Variants in ZBTB26 observed in about 807,000 individuals in gnomAD.
The protein encoded by ZBTB26 is zinc finger and BTB domain containing 26.
A neutral mutation model predicts 31.6 loss-of-function variants in ZBTB26; 12 were observed. The ratio of observed to expected loss-of-function variants is 0.38; its 90% CI spans 0.24 to 0.61. The LOEUF (loss-of-function observed/expected upper bound fraction) is 0.61. Ranked by LOEUF, ZBTB26 falls within the 20% of genes least tolerant of loss-of-function variation. The pLI is 0.60. For missense variants in ZBTB26, 311 were observed against 521.9 expected (o/e 0.60, Z 3.94); for synonymous variants, 155 against 182.9 (o/e 0.85, Z 1.23).
Position 122,928,523 on chromosome 9 carries a change from T to C in ZBTB26, c.-11+2914A>G, listed in dbSNP as rs900486269. On this transcript the variant is annotated intron_variant, in intron 1 of 1. Coordinates refer to ENST00000373656, the MANE Select transcript of ZBTB26 (RefSeq NM_020924.4). ...TGGAAGTGGGCAAATTACTTAACTA[T>C]TGAACTGTTTTCCACCATTGTTTTG... is the stretch of plus-strand genomic sequence containing the variant. 3.9e-5 allele frequency among the ~76,000 whole-genome samples: 6 copies of C among 152,358 alleles called. No homozygotes were observed. The East Asian group carries it at 9.6e-4, about 24-fold the overall frequency.
In ZBTB26 at chr9:122,924,615, C is replaced by CTTTTT; in HGVS notation, c.-10-4672_-10-4671insAAAAA. On this transcript the variant is annotated intron_variant, in intron 1 of 1. Transcript: ENST00000373656. ...TTGGCAATATAAAACCAAATTTCAA[C>CTTTTT]TTTCTTTTTTTTTTTTTTTTTTGAG... Among the ~76,000 whole-genome samples, 2 of 9,366 alleles carry CTTTTT rather than the reference C, an allele frequency of 2.1e-4. 1 individual carries two copies. The highest frequency in any genetic ancestry group is 1.3e-3 in the Non-Finnish European group (2 of 1,558). The allele number at this position is 9,366 out of a possible 152,430, so 6.1% of individuals were successfully genotyped here.
chr9:122,919,703 A>G lies in ZBTB26; in HGVS notation c.232T>C (p.Ser78Pro). The change falls in exon 2 of 2, where the codon TCC becomes CCC. Residue 78 changes from serine (S) to proline (P), a missense_variant. By Grantham distance (74) the Ser-to-Pro change is moderately conservative. Around this residue, in one of 5 missense-constraint regions of ZBTB26, gnomAD observed 207 missense variants for 298.6 expected, o/e 0.69. Transcript: ENST00000373656. The surrounding 1 kb of genome is among the most constrained non-coding windows in gnomAD (Gnocchi z 6.1). ...AAGAGCAATTGTCTCCCCACTTCGG[A>G]ACTCTGTAATATGGAGATTTTCACC... ...REVKISILQS[S>P]EVGRQLLLSC... 6.2e-7 allele frequency: 1 copy of G among 1,614,186 alleles called. No individual in the cohort carries two copies. Among genetic ancestry groups the G allele is most frequent in the Non-Finnish European group, 8.5e-7 (1 of 1,180,030 alleles).
At chr9:122,920,831 C>G (rs1282498608) in intron 1 of ZBTB26, among the ~76,000 whole-genome samples, 1 of 152,194 alleles carries the variant, frequency 6.6e-6, no homozygotes, top group Non-Finnish European at 1.5e-5. Context: ...AACTTTATCC[C>G]TATTTATCAA....
intron 1 of ZBTB26, among the ~76,000 whole-genome samples, chr9:122,930,720 C>T (rs1833262184): frequency 6.6e-6 from 1 of 152,174 alleles, no homozygotes; most frequent in Non-Finnish European, 1.5e-5. Flanking sequence ...TCTTCCCACA[C>T]AAGTTATGCT....
At chr9:122,921,418 T>C (rs920117718) in intron 1 of ZBTB26, among the ~76,000 whole-genome samples, 9 of 152,230 alleles carry the variant, frequency 5.9e-5, no homozygotes, top group African/African-American at 2.2e-4. Flanking sequence ...CTGAATTTTA[T>C]GTATTAATCA....
At position 122,918,701 on chromosome 9, in the gene ZBTB26, G is replaced by A; in HGVS notation, c.1234C>T (p.Gln412Ter). Residue 412 changes from glutamine (Q) to a stop codon, truncating the protein, a stop_gained, in exon 2 of 2, where the codon CAG becomes TAG. Coordinates refer to ENST00000373656, the MANE Select transcript of ZBTB26 (RefSeq NM_020924.4). LOFTEE classifies it high-confidence loss of function. ...ACCTGTGTTGCATCGGGTTGTGGCT[G>A]ACACCCTTTAGAGTCTGTGACTGTT... ...CTTVTDSKGCQPQPDATQVLD... is the reference protein window; with the variant it reads ...CTTVTDSKGC 1 of 1,614,182 alleles carries A rather than the reference G, an allele frequency of 6.2e-7. No homozygotes were observed. The highest frequency in any genetic ancestry group is 8.5e-7 in the Non-Finnish European group (1 of 1,180,026).
chr9:122,922,890 G>T (rs1185010697), intron 1 of ZBTB26, among the ~76,000 whole-genome samples: 2 of 152,140 alleles, frequency 1.3e-5, no homozygotes, highest in Non-Finnish European at 2.9e-5. Flanking sequence ...AATGAGAATG[G>T]CATTGAAAGA....
At chr9:122,924,963 A>AT (rs1564336334) in intron 1 of ZBTB26, among the ~76,000 whole-genome samples, 1 of 151,978 alleles carries the variant, frequency 6.6e-6, no homozygotes, top group Non-Finnish European at 1.5e-5. Context: ...ACTTAAAAAA[A>AT]ATTTTTTTTG....
At chr9:122,925,765 ATTTTTT>A (rs59850053) in intron 1 of ZBTB26, among the ~76,000 whole-genome samples, 27 of 103,946 alleles carry the variant, frequency 2.6e-4, no homozygotes, top group African/African-American at 1.6e-4. Flanking sequence ...TGCCCAGCTA[ATTTTTT>A]TTTTTTTTTT....
At chr9:122,927,927 C>T (rs1457846338) in intron 1 of ZBTB26, among the ~76,000 whole-genome samples, 1 of 151,914 alleles carries the variant, frequency 6.6e-6, no homozygotes, top group East Asian at 1.9e-4. Context: ...CCTCCACCTC[C>T]GAGTTCAAGC....
Position 122,919,215 on chromosome 9 carries a change from A to G in ZBTB26, c.720T>C (p.Tyr240=), listed in dbSNP as rs760201943. Residue 240 remains tyrosine (Y), a synonymous_variant, in exon 2 of 2, where the codon TAT becomes TAC. Coordinates refer to ENST00000373656, the MANE Select transcript of ZBTB26 (RefSeq NM_020924.4). This position sits in a 1 kb window ranked among gnomAD's most constrained non-coding sequence, Gnocchi z 6.1. ...TATCACTGCCTGTATAAGAAAGGGC[A>G]TAATTGTGGAGATGGTTTTGTTCTA... ...SEIEQNHLHN[Y]ALSYTGSDNI... 1 of 1,614,222 alleles carries G rather than the reference A, an allele frequency of 6.2e-7. No homozygotes were observed. Among genetic ancestry groups the G allele is most frequent in the Non-Finnish European group, 8.5e-7 (1 of 1,180,028 alleles).
In ZBTB26 at chr9:122,918,508, C is replaced by T. The variant is rs1395534379; in HGVS notation, c.*101G>A. The T allele has an allele frequency of 4.0e-6, 6 of 1,508,282 alleles. No individual in the cohort carries two copies. The highest frequency in any genetic ancestry group is 2.7e-5 in the South Asian group (2 of 75,048). 93.4% of individuals were successfully genotyped at this position (1,508,282 alleles called of 1,614,324 possible). On this transcript the variant is annotated 3_prime_UTR_variant, in exon 2 of 2. Transcript: ENST00000373656. The stretch of plus-strand genomic sequence containing the variant: ...TTTGACTCACTCCCTACCACCTACA[C>T]AGAGGCTTTGGAGAAGTCAAACTAG...
rs1588128867 is a variant in ZBTB26, at chr9:122,919,223, G to A, written c.712C>T (p.His238Tyr). The A allele has an allele frequency of 1.2e-6, 2 of 1,614,182 alleles. No homozygotes were observed. Among genetic ancestry groups the A allele is most frequent in the East Asian group, 4.5e-5 (2 of 44,890 alleles). ...RVSEIEQNHL[H>Y]NYALSYTGSD... Reference sequence around the variant, plus strand: ...CCTGTATAAGAAAGGGCATAATTGTGGAGATGGTTTTGTTCTATTTCACTT... The same window carrying A: ...CCTGTATAAGAAAGGGCATAATTGTAGAGATGGTTTTGTTCTATTTCACTT... The change falls in exon 2 of 2, where the codon CAC becomes TAC. Residue 238 changes from histidine to tyrosine, a missense_variant. Physicochemically the swap from His to Tyr is moderately conservative, Grantham distance 83. Coordinates refer to ENST00000373656, the MANE Select transcript of ZBTB26 (RefSeq NM_020924.4). The surrounding 1 kb of genome is among the most constrained non-coding windows in gnomAD (Gnocchi z 6.1).
intron 1 of ZBTB26, among the ~76,000 whole-genome samples, chr9:122,925,878 A>G (rs1353788681): frequency 3.4e-5 from 5 of 149,138 alleles, no homozygotes; most frequent in East Asian, 2.0e-4. Context: ...CTCCTGCCTC[A>G]GCCTCCCCAG....
chr9:122,930,337 T>C (rs772837734), intron 1 of ZBTB26, among the ~76,000 whole-genome samples: 7 of 152,230 alleles, frequency 4.6e-5, no homozygotes, highest in Non-Finnish European at 1.0e-4. Context: ...CAGCATTCAG[T>C]TAATTATGGA....
chr9:122,918,008 T>A lies in ZBTB26; in HGVS notation c.*601A>T, dbSNP rs572602498. 2.0e-5 allele frequency: 3 copies of A among 153,014 alleles called. No homozygotes were observed. The highest frequency in any genetic ancestry group is 3.8e-4 in the East Asian group (2 of 5,210). 9.5% of individuals were successfully genotyped at this position (153,014 alleles called of 1,614,324 possible). A position where few individuals can be genotyped will look rare whatever the true frequency, so the allele number is the denominator to read the frequency against. On this transcript the variant is annotated 3_prime_UTR_variant, in exon 2 of 2. Coordinates refer to ENST00000373656, the MANE Select transcript of ZBTB26 (RefSeq NM_020924.4). ...ACTCTGGTATATGTGAACAATTCAA[T>A]GAGATGAAGTTGGGCTATGATACTG...
At chr9:122,923,724 A>G (rs374278812) in intron 1 of ZBTB26, among the ~76,000 whole-genome samples, 2 of 152,378 alleles carry the variant, frequency 1.3e-5, no homozygotes, top group African/African-American at 4.8e-5. Context: ...ATATTATGAC[A>G]GTACTCACAA....
intron 1 of ZBTB26, 127 bp from the exon 2 acceptor site, chr9:122,920,071 C>A: frequency 8.8e-7 from 1 of 1,137,042 alleles, no homozygotes. Flanking sequence ...TGAAATCTTC[C>A]TTGAAAGGGG....
rs59850053 is a variant in ZBTB26 at position 122,925,765 on chromosome 9, A to ATT, written c.-11+5670_-11+5671dup. On this transcript the variant is annotated intron_variant, in intron 1 of 1. Coordinates refer to ENST00000373656, the MANE Select transcript of ZBTB26 (RefSeq NM_020924.4). ...AGGTGCCTGCCACCATGCCCAGCTA[A>ATT]TTTTTTTTTTTTTTTTTTTTTGGAG... 5.3e-3 allele frequency among the ~76,000 whole-genome samples: 549 copies of ATT among 103,802 alleles called. 10 individuals carry two copies. Among genetic ancestry groups the ATT allele is most frequent in the East Asian group, 6.9e-3 (25 of 3,626 alleles). The allele number at this position is 103,802 out of a possible 152,430, so 68.1% of individuals were successfully genotyped here.
Sources: gnomAD v4.1 joint callset for allele counts (sites outside exome capture counted in the v4.1 genomes callset) on GRCh38, gnomAD v4.1.1 for gene constraint, gnomAD v4.1.1 regional missense constraint, Gnocchi (gnomAD v3.1) non-coding constraint, MANE v1.5 for transcripts, NCBI Gene and HGNC (gene_info 2026-07-23, HGNC 2026-07-21) for gene names.